ELP4: variants seen among roughly 807,000 people sequenced by gnomAD.
ELP4 encodes elongator complex protein 4.
ELP4 carries 51 observed loss-of-function variants against 48.9 expected under a neutral mutation model. That is an observed-to-expected ratio of 1.04 (90% CI 0.83 to 1.32). The LOEUF (loss-of-function observed/expected upper bound fraction) is 1.32, where lower values mean the gene tolerates loss of function less well. ELP4 is among the 40% of genes most tolerant of loss of function. The pLI is 0.00. For synonymous variants in ELP4, 210 were observed against 189.2 expected (o/e 1.11, Z -0.90); for missense variants, 519 against 514.6 (o/e 1.01, Z -0.08).
At chr11:31,772,330 G>T (rs1195534918) in intron 9 of ELP4, among the ~76,000 whole-genome samples, 1 of 152,066 alleles carries the variant, frequency 6.6e-6, no homozygotes, top group Non-Finnish European at 1.5e-5. Context: ...GTTTCACCAT[G>T]TTGGCCAGTC....
chr11:31,548,926 T>C (rs1474928121), intron 3 of ELP4, among the ~76,000 whole-genome samples: 1 of 152,100 alleles, frequency 6.6e-6, no homozygotes, highest in East Asian at 1.9e-4. Context: ...GAAAACTGGC[T>C]AGCCATATGT....
chr11:31,652,218 T>A (rs761055536), intron 9 of ELP4: 1 of 151,858 alleles, frequency 6.6e-6, no homozygotes, highest in Non-Finnish European at 1.5e-5. Flanking sequence ...TTAAGTTTTT[T>A]GAGTTTTTTT....
chr11:31,753,720 TATGAG>T (rs1328178286), intron 9 of ELP4, among the ~76,000 whole-genome samples: 1 of 152,152 alleles, frequency 6.6e-6, no homozygotes, highest in African/African-American at 2.4e-5. Context: ...AACAGAAAAA[TATGAG>T]ATAAGTTACA....
At chr11:31,661,770 A>G (rs1364226356) in intron 9 of ELP4, among the ~76,000 whole-genome samples, 2 of 152,064 alleles carry the variant, frequency 1.3e-5, no homozygotes, top group Non-Finnish European at 2.9e-5. Flanking sequence ...TACGTAAGTA[A>G]AACAACCTTC....
chr11:31,756,278 A>G lies in ELP4; in HGVS notation c.1144-27115A>G, dbSNP rs1177325254. ...GGAAAATCTAATCATGCCACTTTCC[A>G]TGACTAAAAGCCTTCATTGATTCAC... On this transcript the variant is annotated intron_variant, in intron 9 of 9. Coordinates refer to ENST00000640961, the MANE Select transcript of ELP4 (RefSeq NM_019040.5). Among the ~76,000 whole-genome samples, 8 of 152,162 alleles carry G rather than the reference A, an allele frequency of 5.3e-5. No homozygotes were observed. The South Asian group carries it at 1.2e-3, about 24-fold the overall frequency.
At chr11:31,765,602 A>G (rs1431970653) in intron 9 of ELP4, among the ~76,000 whole-genome samples, 2 of 152,140 alleles carry the variant, frequency 1.3e-5, no homozygotes, top group Non-Finnish European at 2.9e-5. Context: ...ATTTGTAAAA[A>G]TTTGTAAAAT....
intron 3 of ELP4, among the ~76,000 whole-genome samples, chr11:31,581,391 G>A (rs1203454281): frequency 2.0e-5 from 3 of 152,140 alleles, no homozygotes; most frequent in African/African-American, 7.2e-5. Flanking sequence ...TGGTAGAGAT[G>A]TTTTAAATTT....
chr11:31,548,670 A>T (rs1362698170), intron 3 of ELP4, among the ~76,000 whole-genome samples: 2 of 152,302 alleles, frequency 1.3e-5, no homozygotes, highest in African/African-American at 4.8e-5. Flanking sequence ...AAGAGCCCGC[A>T]TGGCCAAGTC....
At chr11:31,525,517 A>AG (rs1956282750) in intron 2 of ELP4, among the ~76,000 whole-genome samples, 1 of 152,218 alleles carries the variant, frequency 6.6e-6, no homozygotes, top group Non-Finnish European at 1.5e-5. Flanking sequence ...AAGAAAAAAA[A>AG]TTGCTCATAT....
At chr11:31,593,644 T>A (rs891674027) in intron 3 of ELP4, among the ~76,000 whole-genome samples, 6 of 152,154 alleles carry the variant, frequency 3.9e-5, no homozygotes, top group Admixed American at 1.3e-4. Flanking sequence ...AAGTCAAGAT[T>A]TGAACTGGAC....
chr11:31,662,403 A>G, intron 9 of ELP4: 1 of 393,542 alleles, frequency 2.5e-6, no homozygotes, highest in East Asian at 3.6e-5. Flanking sequence ...GCAATAGAAC[A>G]TGTGATTAGC....
chr11:31,772,021 A>G (rs1948156234), intron 9 of ELP4, among the ~76,000 whole-genome samples: 1 of 151,994 alleles, frequency 6.6e-6, no homozygotes, highest in South Asian at 2.1e-4. Flanking sequence ...TATACTCTCC[A>G]GAAAGGCCTT....
At chr11:31,730,437 T>C (rs1440274760) in intron 9 of ELP4, among the ~76,000 whole-genome samples, 2 of 152,160 alleles carry the variant, frequency 1.3e-5, no homozygotes, top group Admixed American at 1.3e-4. Flanking sequence ...CACCTCTTAA[T>C]ATTGTTGTAT....
chr11:31,573,420 ATAAAC>A (rs1361089402), intron 3 of ELP4, among the ~76,000 whole-genome samples: 2 of 152,210 alleles, frequency 1.3e-5, no homozygotes, highest in African/African-American at 4.8e-5. Flanking sequence ...ACAAAATACT[ATAAAC>A]TAGGTGGTTT....
chr11:31,646,012 C>G (rs1945190217), intron 7 of ELP4: 1 of 151,542 alleles, frequency 6.6e-6, no homozygotes, highest in African/African-American at 2.4e-5. Context: ...GGCTGAAACC[C>G]AACCTGGATG....
chr11:31,749,464 C>T (rs1947670070), intron 9 of ELP4, among the ~76,000 whole-genome samples: 1 of 152,162 alleles, frequency 6.6e-6, no homozygotes. Flanking sequence ...AATGATATTT[C>T]CCCCAGCAAC....
chr11:31,701,694 T>G (rs1946525785), intron 9 of ELP4, among the ~76,000 whole-genome samples: 1 of 149,946 alleles, frequency 6.7e-6, no homozygotes, highest in African/African-American at 2.4e-5. Flanking sequence ...CATGGTTTTA[T>G]AGACTAATAT....
At chr11:31,554,489 C>T (rs982585434) in intron 3 of ELP4, among the ~76,000 whole-genome samples, 15 of 151,568 alleles carry the variant, frequency 9.9e-5, no homozygotes, top group Non-Finnish European at 2.1e-4. Flanking sequence ...AAGTATATAA[C>T]ATGATTTGGT....
intron 5 of ELP4, among the ~76,000 whole-genome samples, chr11:31,625,020 AG>A (rs1167581214): frequency 6.6e-6 from 1 of 151,248 alleles, no homozygotes; most frequent in South Asian, 2.1e-4. Context: ...TCTTATTGTT[AG>A]CTTTTTTTTT....
Sources: allele counts gnomAD v4.1 joint callset (sites outside exome capture counted in the v4.1 genomes callset), GRCh38; gene constraint gnomAD v4.1.1; transcripts MANE v1.5; gene names NCBI Gene and HGNC (gene_info 2026-07-23, HGNC 2026-07-21).